Variants in CFAP97D2 observed in about 807,000 individuals in gnomAD.
The protein encoded by CFAP97D2 is CFAP97 domain containing 2.
chr13:114,198,939 G>A (rs1198897734), intron 2 of CFAP97D2, among the ~76,000 whole-genome samples: 4 of 43,436 alleles, frequency 9.2e-5, no homozygotes, highest in Admixed American at 2.1e-4. Flanking sequence ...TACGGTCCCC[G>A]CTGAGGTGTG....
chr13:114,182,463 C>T (rs1253575532), intron 1 of CFAP97D2, among the ~76,000 whole-genome samples: 1 of 151,788 alleles, frequency 6.6e-6, no homozygotes, highest in East Asian at 1.9e-4. Flanking sequence ...TCCTCTTTTA[C>T]TAATCCACCT....
At chr13:114,195,414 C>T (rs1017789237) in intron 1 of CFAP97D2, among the ~76,000 whole-genome samples, 8 of 152,162 alleles carry the variant, frequency 5.3e-5, no homozygotes, top group African/African-American at 1.7e-4. Context: ...CCACATTGCA[C>T]GTGGGTTCAG....
At chr13:114,220,262 C>T (rs1470907400) in intron 4 of CFAP97D2, among the ~76,000 whole-genome samples, 6 of 151,960 alleles carry the variant, frequency 3.9e-5, no homozygotes, top group South Asian at 4.2e-4. Context: ...CTGGGATCTT[C>T]GCTGGCCTCG....
At chr13:114,194,854 G>A (rs1016765248) in intron 1 of CFAP97D2, among the ~76,000 whole-genome samples, 2 of 152,192 alleles carry the variant, frequency 1.3e-5, no homozygotes, top group African/African-American at 2.4e-5. Context: ...TAACAGTTAT[G>A]TTCTCAAATC....
At chr13:114,204,592 T>C (rs1379142616) in intron 3 of CFAP97D2, among the ~76,000 whole-genome samples, 1 of 152,206 alleles carries the variant, frequency 6.6e-6, no homozygotes, top group Non-Finnish European at 1.5e-5. Flanking sequence ...GAAAGAATAG[T>C]CTTTCCACAA....
chr13:114,192,343 G>A (rs1346779824), intron 1 of CFAP97D2, among the ~76,000 whole-genome samples: 1 of 152,092 alleles, frequency 6.6e-6, no homozygotes, highest in Non-Finnish European at 1.5e-5. Flanking sequence ...GGGTATATGG[G>A]AAATATCTGT....
chr13:114,209,124 C>T (rs1252699666), intron 3 of CFAP97D2, among the ~76,000 whole-genome samples: 1 of 152,220 alleles, frequency 6.6e-6, no homozygotes, highest in East Asian at 1.9e-4. Context: ...GGATAATCCA[C>T]AAAGAATGGA....
chr13:114,222,744 A>C, downstream of CFAP97D2: 1 of 387,224 alleles, frequency 2.6e-6, no homozygotes, highest in Non-Finnish European at 4.6e-6. The surrounding 1 kb of genome is among the most constrained non-coding windows in gnomAD (Gnocchi z 4.4). Context: ...TCCTCTCTTC[A>C]CTGTTATCAC....
intron 3 of CFAP97D2, among the ~76,000 whole-genome samples, chr13:114,208,804 C>T (rs959695488): frequency 5.3e-5 from 8 of 152,246 alleles, no homozygotes; most frequent in South Asian, 2.1e-4. Context: ...CTGGCTGGGA[C>T]GACTTTGGGA....
rs1184006781 is a variant in CFAP97D2 at position 114,211,697 on chromosome 13, C to T, written c.291-215C>T. Among the ~76,000 whole-genome samples the T allele has an allele frequency of 2.0e-5, 3 of 152,216 alleles. No individual in the cohort carries two copies. The highest frequency in any genetic ancestry group is 6.5e-5 in the Admixed American group (1 of 15,278). On this transcript the variant is annotated intron_variant, in intron 3 of 4. Transcript: ENST00000646158. This position sits in a 1 kb window ranked among gnomAD's most constrained non-coding sequence, Gnocchi z 4.2. ...CGCCCCTCCCGCCGTGCAAAGCGAG[C>T]GCGCCGGGGCTGAGTGTGCCCTTCG...
At chr13:114,204,801 G>C (rs1473033770) in intron 3 of CFAP97D2, among the ~76,000 whole-genome samples, 1 of 151,980 alleles carries the variant, frequency 6.6e-6, no homozygotes, top group Non-Finnish European at 1.5e-5. Flanking sequence ...CCAAAAGCAG[G>C]AATGACAAAC....
At chr13:114,193,777 G>T (rs192630237) in intron 1 of CFAP97D2, among the ~76,000 whole-genome samples, 3 of 152,286 alleles carry the variant, frequency 2.0e-5, no homozygotes, top group Admixed American at 1.3e-4. Context: ...GCTGGAGGCT[G>T]GGAAGTCCAA....
intron 1 of CFAP97D2, among the ~76,000 whole-genome samples, chr13:114,182,255 T>C (rs1036659779): frequency 5.5e-5 from 8 of 144,406 alleles, no homozygotes; most frequent in South Asian, 2.3e-4. Flanking sequence ...TTTATGTTTC[T>C]CTCCGCCCAA....
At chr13:114,196,914 G>C (rs1159649587) in intron 2 of CFAP97D2, among the ~76,000 whole-genome samples, 1 of 152,222 alleles carries the variant, frequency 6.6e-6, no homozygotes, top group Non-Finnish European at 1.5e-5. Context: ...AGTGGGAGCA[G>C]GGGTACTTCC....
chr13:114,180,145 G>C (rs899021978), intron 1 of CFAP97D2, among the ~76,000 whole-genome samples: 1 of 152,230 alleles, frequency 6.6e-6, no homozygotes, highest in African/African-American at 2.4e-5. Context: ...GTCAGAGAAC[G>C]ATGTTCCATG....
At chr13:114,195,931 A>C (rs1175970781) in intron 1 of CFAP97D2, among the ~76,000 whole-genome samples, 2 of 151,818 alleles carry the variant, frequency 1.3e-5, no homozygotes, top group East Asian at 3.9e-4. Context: ...AAAAAAAAAA[A>C]AACTAGCTGG....
chr13:114,209,858 A>G (rs574931688), intron 3 of CFAP97D2, among the ~76,000 whole-genome samples: 3 of 152,280 alleles, frequency 2.0e-5, no homozygotes, highest in South Asian at 4.1e-4. Flanking sequence ...TGCTCGGCAC[A>G]TAGTAGGTAC....
At chr13:114,204,374 C>G (rs2080930608) in intron 3 of CFAP97D2, among the ~76,000 whole-genome samples, 1 of 152,212 alleles carries the variant, frequency 6.6e-6, no homozygotes. Context: ...TTGTCGCTTA[C>G]CTGCTTTATC....
At chr13:114,206,727 T>C (rs1484846107) in intron 3 of CFAP97D2, among the ~76,000 whole-genome samples, 2 of 152,236 alleles carry the variant, frequency 1.3e-5, no homozygotes, top group African/African-American at 4.8e-5. Context: ...TCTTCTCAAC[T>C]GACTGTTGAG....
Sources: gnomAD v4.1 joint callset for allele counts (sites outside exome capture counted in the v4.1 genomes callset) on GRCh38, gnomAD v4.1.1 for gene constraint, Gnocchi (gnomAD v3.1) non-coding constraint, MANE v1.5 for transcripts, NCBI Gene and HGNC (gene_info 2026-07-23, HGNC 2026-07-21) for gene names.